The following PCDH11X variants were observed in gnomAD, a reference collection of about 807,000 sequenced individuals.
PCDH11X encodes protocadherin-11 X-linked.
PCDH11X carries 18 observed loss-of-function variants against 53.3 expected under a neutral mutation model. The observed-to-expected ratio is 0.34, with a 90% CI of 0.23 to 0.50. PCDH11X has a LOEUF of 0.50. PCDH11X is among the 20% of genes least tolerant of loss of function. PCDH11X has a pLI of 0.98. For missense variants in PCDH11X, 570 were observed against 1,032.4 expected (o/e 0.55, Z 6.14); for synonymous variants, 279 against 393.3 (o/e 0.71, Z 3.44).
chrX:92,013,642 G>T (rs1261997596), intron 6 of PCDH11X, among the ~76,000 whole-genome samples: 53 of 111,485 alleles, frequency 4.8e-4, no homozygotes, highest in Admixed American at 4.6e-3. Context: ...ATACTACAAG[G>T]CTACAGTAAC....
intron 5 of PCDH11X, among the ~76,000 whole-genome samples, chrX:91,858,408 G>A (rs1048226373): frequency 9.9e-5 from 11 of 111,618 alleles, no homozygotes; most frequent in Non-Finnish European, 1.9e-5. Context: ...TGTTTCCTAT[G>A]CAAACTTTTG....
intron 10 of PCDH11X, among the ~76,000 whole-genome samples, chrX:92,505,007 G>GT (rs200965056): frequency 0.021 from 2,204 of 106,865 alleles, 19 homozygotes; most frequent in Non-Finnish European, 0.033. Context: ...TTAGTATGTT[G>GT]TTTTTTTGTT....
intron 6 of PCDH11X, among the ~76,000 whole-genome samples, chrX:91,898,090 A>G (rs1444701445): frequency 9.0e-6 from 1 of 111,593 alleles, no homozygotes; most frequent in Non-Finnish European, 1.9e-5. Context: ...CAACAGGATC[A>G]TGAGGAGTAA....
At chrX:92,477,972 C>T (rs1248195553) in intron 10 of PCDH11X, among the ~76,000 whole-genome samples, 1 of 108,718 alleles carries the variant, frequency 9.2e-6, no homozygotes, top group Non-Finnish European at 1.9e-5. Context: ...CAGGGAGGAA[C>T]ATGTAATCTC....
chrX:91,847,145 T>TTG (rs754247208), intron 5 of PCDH11X, among the ~76,000 whole-genome samples: 4,533 of 106,844 alleles, frequency 0.042, 221 homozygotes, highest in African/African-American at 0.13. Context: ...TTTGTGTCCT[T>TTG]TGTGTGTGTG....
At chrX:92,571,134 A>G (rs1163791395) in intron 10 of PCDH11X, among the ~76,000 whole-genome samples, 1 of 111,428 alleles carries the variant, frequency 9.0e-6, no homozygotes, top group South Asian at 3.7e-4. Flanking sequence ...ATTCCTGGGC[A>G]CAATACTGAA....
chrX:92,368,180 C>A (rs1446921056), intron 8 of PCDH11X, among the ~76,000 whole-genome samples: 2 of 105,196 alleles, frequency 1.9e-5, no homozygotes, highest in South Asian at 4.5e-4. Flanking sequence ...TTCTTAGAGG[C>A]TTTGTTTGTT....
chrX:91,985,330 C>T (rs896587259), intron 6 of PCDH11X, among the ~76,000 whole-genome samples: 3 of 111,066 alleles, frequency 2.7e-5, no homozygotes, highest in Non-Finnish European at 3.8e-5. Context: ...CATGGTGAAA[C>T]CCCATCTCTA....
intron 7 of PCDH11X, among the ~76,000 whole-genome samples, chrX:92,259,853 T>C (rs2067676977): frequency 9.0e-6 from 1 of 111,710 alleles, no homozygotes; most frequent in Admixed American, 9.5e-5. Context: ...AGGCAGCAGA[T>C]ACTCTTATTT....
intron 8 of PCDH11X, among the ~76,000 whole-genome samples, chrX:92,314,553 A>C: frequency 8.9e-6 from 1 of 111,776 alleles, no homozygotes; most frequent in East Asian, 2.8e-4. Context: ...ACTGTACATA[A>C]TTGTATATGC....
chrX:92,288,004 T>C (rs1215748761), intron 8 of PCDH11X: 4 of 513,393 alleles, frequency 7.8e-6, no homozygotes, highest in Non-Finnish European at 1.4e-5. Flanking sequence ...GCCATGACCG[T>C]AAGTTTCCTG....
intron 6 of PCDH11X, among the ~76,000 whole-genome samples, chrX:92,183,923 T>C (rs77812411): frequency 0.029 from 3,188 of 111,573 alleles, 69 homozygotes; most frequent in East Asian, 0.19. Flanking sequence ...CAGAAATTTC[T>C]ATCCCCCATC....
intron 10 of PCDH11X, among the ~76,000 whole-genome samples, chrX:92,614,841 G>T (rs745514238): frequency 1.8e-3 from 200 of 111,973 alleles, no homozygotes; most frequent in African/African-American, 6.3e-3. Context: ...GAGAGCGAGT[G>T]CTCCACATGC....
intron 6 of PCDH11X, chrX:91,879,668 C>T: frequency 2.5e-6 from 2 of 807,070 alleles, no homozygotes; most frequent in Non-Finnish European, 3.0e-6. Context: ...TGATAAATAG[C>T]TCTAAATACT....
intron 4 of PCDH11X, among the ~76,000 whole-genome samples, chrX:91,834,054 C>T (rs1390082689): frequency 2.7e-5 from 3 of 111,465 alleles, no homozygotes; most frequent in Non-Finnish European, 5.7e-5. Flanking sequence ...TTAATAGTTG[C>T]ATTAACCTTC....
At chrX:92,151,235 C>T (rs975770473) in intron 6 of PCDH11X, among the ~76,000 whole-genome samples, 9 of 110,159 alleles carry the variant, frequency 8.2e-5, no homozygotes, top group African/African-American at 2.6e-4. Flanking sequence ...CCCTGTCACC[C>T]AGGCTGGAGT....
chrX:91,869,696 C>A (rs1939179597), intron 5 of PCDH11X, among the ~76,000 whole-genome samples: 1 of 110,739 alleles, frequency 9.0e-6, no homozygotes, highest in Admixed American at 9.6e-5. Context: ...AAATTACATG[C>A]TTGAAATACA....
intron 6 of PCDH11X, among the ~76,000 whole-genome samples, chrX:92,187,261 C>A (rs1428984496): frequency 1.8e-5 from 2 of 111,421 alleles, no homozygotes; most frequent in African/African-American, 6.5e-5. Context: ...TACCCGCAGT[C>A]CTGGGCTCAA....
At chrX:92,540,191 G>A (rs2148736018) in intron 10 of PCDH11X, among the ~76,000 whole-genome samples, 2 of 111,103 alleles carry the variant, frequency 1.8e-5, no homozygotes, top group East Asian at 5.7e-4. Context: ...TCCTGTCTGA[G>A]AGCCAGCAAT....
Sources: gnomAD v4.1 joint callset for allele counts (sites outside exome capture counted in the v4.1 genomes callset) on GRCh38, gnomAD v4.1.1 for gene constraint, MANE v1.5 for transcripts, NCBI Gene and HGNC (gene_info 2026-07-23, HGNC 2026-07-21) for gene names.